MACROD2: variants seen among roughly 807,000 people sequenced by gnomAD.
MACROD2 encodes the protein ADP-ribose glycohydrolase MACROD2.
In MACROD2, 36 loss-of-function variants were observed where a neutral mutation model predicts 70.4. That is an observed-to-expected ratio of 0.51 (90% CI 0.39 to 0.68). MACROD2 has a LOEUF of 0.68. Ranked by LOEUF, MACROD2 falls within the 30% of genes least tolerant of loss-of-function variation. The probability of loss-of-function intolerance (pLI) is 0.00; values close to 1 mark genes in which losing one functional copy is unlikely to be tolerated. For missense variants in MACROD2, 496 were observed against 538.4 expected, an observed-to-expected ratio of 0.92 and a Z score of 0.78; for synonymous variants, 172 against 178.8, an observed-to-expected ratio of 0.96 and a Z score of 0.30.
intron 6 of MACROD2, among the ~76,000 whole-genome samples, chr20:15,342,530 A>T (rs762441789): frequency 6.6e-6 from 1 of 152,188 alleles, no homozygotes; most frequent in Non-Finnish European, 1.5e-5. Flanking sequence ...AAACTTTAAA[A>T]TCACGGACAA....
intron 4 of MACROD2, among the ~76,000 whole-genome samples, chr20:14,499,582 T>A (rs565630198): frequency 1.9e-4 from 29 of 152,068 alleles, no homozygotes; most frequent in Non-Finnish European, 3.1e-4. Context: ...CTGGGCACTG[T>A]GGGCGGATAA....
At chr20:15,937,774 T>C (rs966950446) in intron 12 of MACROD2, among the ~76,000 whole-genome samples, 5 of 151,610 alleles carry the variant, frequency 3.3e-5, no homozygotes, top group Non-Finnish European at 5.9e-5. Flanking sequence ...TATATAACAT[T>C]TACATTTGTT....
intron 4 of MACROD2, among the ~76,000 whole-genome samples, chr20:14,657,664 T>A (rs1474213816): frequency 6.6e-6 from 1 of 152,242 alleles, no homozygotes; most frequent in Non-Finnish European, 1.5e-5. Context: ...ACCTTAAACC[T>A]GAAATACATT....
chr20:15,931,697 G>A (rs1402167145), intron 10 of MACROD2, among the ~76,000 whole-genome samples: 1 of 151,914 alleles, frequency 6.6e-6, no homozygotes, highest in Non-Finnish European at 1.5e-5. Flanking sequence ...ACGGCACAGG[G>A]CTAACCCAAC....
intron 6 of MACROD2, among the ~76,000 whole-genome samples, chr20:15,269,050 C>T (rs2077322457): frequency 6.6e-6 from 1 of 152,244 alleles, no homozygotes; most frequent in African/African-American, 2.4e-5. Context: ...TTTTCAGCAA[C>T]ATTCATTTCA....
At chr20:15,636,224 A>C (rs369803725) in intron 8 of MACROD2, among the ~76,000 whole-genome samples, 2 of 152,214 alleles carry the variant, frequency 1.3e-5, no homozygotes, top group East Asian at 3.9e-4. Context: ...AGAAATCCCT[A>C]AGGGAAGGAG....
At chr20:14,704,955 C>CT (rs371889809) in intron 5 of MACROD2, among the ~76,000 whole-genome samples, 19 of 148,830 alleles carry the variant, frequency 1.3e-4, no homozygotes, top group Admixed American at 7.4e-4. Flanking sequence ...TTGTGTCTCT[C>CT]TTTTTTTTTT....
chr20:15,812,920 T>C (rs2063835265), intron 8 of MACROD2, among the ~76,000 whole-genome samples: 1 of 152,182 alleles, frequency 6.6e-6, no homozygotes, highest in South Asian at 2.1e-4. Flanking sequence ...GTGAATACAA[T>C]AGAGAAATGA....
chr20:14,964,048 CTG>C (rs1421298462), intron 5 of MACROD2, among the ~76,000 whole-genome samples: 3 of 151,382 alleles, frequency 2.0e-5, no homozygotes, highest in Non-Finnish European at 2.9e-5. Flanking sequence ...AGATTTTTTT[CTG>C]TGTTTTTTTT....
At chr20:15,007,058 G>A (rs2075043710) in intron 5 of MACROD2, among the ~76,000 whole-genome samples, 1 of 151,404 alleles carries the variant, frequency 6.6e-6, no homozygotes, top group African/African-American at 2.5e-5. Context: ...TAGAGGACTG[G>A]GGGAAACCAT....
chr20:14,121,526 G>A (rs911365671), intron 3 of MACROD2, among the ~76,000 whole-genome samples: 5 of 152,254 alleles, frequency 3.3e-5, no homozygotes, highest in Admixed American at 2.6e-4. Context: ...TTTTCTGTGG[G>A]ATTGAAACAA....
intron 3 of MACROD2, among the ~76,000 whole-genome samples, chr20:14,100,697 A>G (rs1601223965): frequency 1.9e-5 from 2 of 103,944 alleles, no homozygotes; most frequent in South Asian, 3.2e-4. Flanking sequence ...TTTTAAATAT[A>G]TAAATATATA....
intron 9 of MACROD2, among the ~76,000 whole-genome samples, chr20:15,866,451 G>GA (rs1426173047): frequency 6.7e-6 from 1 of 149,294 alleles, no homozygotes; most frequent in African/African-American, 2.5e-5. Flanking sequence ...AAACCAAAAG[G>GA]AAAAAAAGAA....
intron 5 of MACROD2, among the ~76,000 whole-genome samples, chr20:14,811,335 G>A (rs1027112845): frequency 5.3e-5 from 8 of 152,028 alleles, no homozygotes; most frequent in Non-Finnish European, 1.2e-4. Context: ...CAAGCAATGG[G>A]GAAAGGATTC....
intron 5 of MACROD2, among the ~76,000 whole-genome samples, chr20:14,753,213 A>G (rs965477608): frequency 1.3e-5 from 2 of 151,994 alleles, no homozygotes; most frequent in African/African-American, 2.4e-5. Context: ...ACTATACACC[A>G]TATATATCTT....
chr20:15,995,736 A>C (rs536742128), intron 15 of MACROD2, among the ~76,000 whole-genome samples: 2 of 143,996 alleles, frequency 1.4e-5, no homozygotes, highest in African/African-American at 5.2e-5. Context: ...TTCACTCAGC[A>C]TAATGCCCTC....
intron 6 of MACROD2, among the ~76,000 whole-genome samples, chr20:15,408,708 A>G (rs561552434): frequency 6.6e-6 from 1 of 152,352 alleles, no homozygotes; most frequent in East Asian, 1.9e-4. Flanking sequence ...ATGTGCTGCT[A>G]TATAAATACA....
chr20:14,816,185 G>A (rs573163996), intron 5 of MACROD2, among the ~76,000 whole-genome samples: 5 of 152,036 alleles, frequency 3.3e-5, no homozygotes, highest in East Asian at 1.9e-4. Flanking sequence ...GGTTTGTTGC[G>A]GGGCAGAGGG....
chr20:15,388,646 C>A (rs2045752374), intron 6 of MACROD2, among the ~76,000 whole-genome samples: 1 of 152,074 alleles, frequency 6.6e-6, no homozygotes, highest in Admixed American at 6.6e-5. Flanking sequence ...TACCAAGCAC[C>A]AGATAGTTAA....
Sources: gnomAD v4.1 joint callset for allele counts (sites outside exome capture counted in the v4.1 genomes callset) on GRCh38, gnomAD v4.1.1 for gene constraint, MANE v1.5 for transcripts, NCBI Gene and HGNC (gene_info 2026-07-23, HGNC 2026-07-21) for gene names.